The following SCARA5 variants were observed in gnomAD, a reference collection of about 807,000 sequenced individuals.
SCARA5 encodes the protein scavenger receptor class A, member 5 (putative).
SCARA5 carries 45 observed loss-of-function variants against 46.3 expected under a neutral mutation model. The observed-to-expected ratio is 0.97, with a 90% CI of 0.76 to 1.24. The LOEUF (loss-of-function observed/expected upper bound fraction) is 1.24, where lower values mean the gene tolerates loss of function less well. SCARA5 is among the 50% of genes most tolerant of loss of function. SCARA5 has a pLI of 0.00. For missense variants in SCARA5, 680 were observed against 689.0 expected, an observed-to-expected ratio of 0.99 and a Z score of 0.15; for synonymous variants, 333 against 306.5, an observed-to-expected ratio of 1.09 and a Z score of -0.90.
chr8:27,877,611 G>A (rs62496783), intron 8 of SCARA5, among the ~76,000 whole-genome samples: 34 of 152,040 alleles, frequency 2.2e-4, no homozygotes, highest in African/African-American at 4.1e-4. Flanking sequence ...AGCCTTCTTC[G>A]GAGCTAGAAA....
At chr8:27,886,252 C>T in intron 7 of SCARA5, 1 of 152,646 alleles carries the variant, frequency 6.6e-6, no homozygotes, top group Middle Eastern at 3.4e-3. Flanking sequence ...TGGTGGAGGG[C>T]CGCCTGCCCA....
chr8:27,976,782 C>T (rs905044482), intron 2 of SCARA5, among the ~76,000 whole-genome samples: 18 of 152,164 alleles, frequency 1.2e-4, no homozygotes, highest in Non-Finnish European at 2.2e-4. Context: ...CAGGCCATGC[C>T]AGAGGAGGGA....
Position 27,891,554 on chromosome 8 carries a change from A to G in SCARA5, c.1154-11788T>C, listed in dbSNP as rs759710056. 1.8e-4 allele frequency among the ~76,000 whole-genome samples: 28 copies of G among 151,828 alleles called. 1 individual carries two copies. Among genetic ancestry groups the G allele is most frequent in the Non-Finnish European group, 5.9e-5 (4 of 67,956 alleles). On this transcript the variant is annotated intron_variant, in intron 7 of 8. Coordinates refer to ENST00000354914, the MANE Select transcript of SCARA5 (RefSeq NM_173833.6). ...AGATTCCGCTCCTAGGATGATCTGG[A>G]CCCCCTTAAAGTGCCTGCCTGAGAA... is the stretch of plus-strand genomic sequence containing the variant.
chr8:27,937,461 C>G (rs929845964), intron 3 of SCARA5, among the ~76,000 whole-genome samples: 1 of 152,212 alleles, frequency 6.6e-6, no homozygotes, highest in Non-Finnish European at 1.5e-5. Flanking sequence ...CCAGTTGCCA[C>G]AGTGGGGACC....
At chr8:27,905,562 A>G in intron 6 of SCARA5, among the ~76,000 whole-genome samples, 1 of 145,040 alleles carries the variant, frequency 6.9e-6, no homozygotes, top group South Asian at 2.3e-4. Flanking sequence ...ATACATATAT[A>G]GGAATATGCT....
At chr8:27,918,490 C>T (rs921013495) in intron 4 of SCARA5, among the ~76,000 whole-genome samples, 7 of 107,460 alleles carry the variant, frequency 6.5e-5, no homozygotes, top group Non-Finnish European at 1.3e-4. Context: ...TTTGGGTGGG[C>T]GAGGAGGAGG....
Position 27,871,909 on chromosome 8 carries a change from C to T in SCARA5, c.*25G>A. 6.2e-7 allele frequency: 1 copy of T among 1,613,464 alleles called. No individual in the cohort carries two copies. The highest frequency in any genetic ancestry group is 8.5e-7 in the Non-Finnish European group (1 of 1,180,016). ...TGCAGGAAGGGTGCTCTGTGCAGGACCCCGAACTTGGGCTCTGCCCACTTT... is the reference window on the plus strand; with the variant it reads ...TGCAGGAAGGGTGCTCTGTGCAGGATCCCGAACTTGGGCTCTGCCCACTTT... On this transcript the variant is annotated 3_prime_UTR_variant, in exon 9 of 9. Transcript: ENST00000354914.
chr8:27,956,543 A>C (rs1808210156), intron 3 of SCARA5, among the ~76,000 whole-genome samples: 4 of 152,194 alleles, frequency 2.6e-5, no homozygotes, highest in African/African-American at 9.7e-5. Context: ...ATGATTACTC[A>C]TTGTTATCCC....
intron 3 of SCARA5, among the ~76,000 whole-genome samples, chr8:27,929,875 G>C (rs1807742027): frequency 6.6e-6 from 1 of 152,132 alleles, no homozygotes; most frequent in Non-Finnish European, 1.5e-5. Context: ...AACTCAAGAA[G>C]GTGGCAGAGC....
At chr8:27,913,765 C>A (rs2727003) in intron 4 of SCARA5, among the ~76,000 whole-genome samples, 83,270 of 152,056 alleles carry the variant, frequency 0.55, 23,647 homozygotes, top group Non-Finnish European at 0.63. Flanking sequence ...CCTCACTGCA[C>A]CACAGGTGCA....
intron 2 of SCARA5, among the ~76,000 whole-genome samples, chr8:27,977,866 TA>T (rs1165429165): frequency 6.6e-6 from 1 of 152,166 alleles, no homozygotes; most frequent in African/African-American, 2.4e-5. Context: ...GCTCCGACTG[TA>T]AAAAACGCAC....
chr8:27,975,872 A>G (rs1328530023), intron 2 of SCARA5, among the ~76,000 whole-genome samples: 1 of 152,152 alleles, frequency 6.6e-6, no homozygotes, highest in East Asian at 1.9e-4. Flanking sequence ...ACTTCTAAGT[A>G]CAGGAGAGCA....
At chr8:27,986,795 A>C (rs749919188) in intron 2 of SCARA5, among the ~76,000 whole-genome samples, 1 of 152,214 alleles carries the variant, frequency 6.6e-6, no homozygotes, top group Non-Finnish European at 1.5e-5. Flanking sequence ...AAGTCTTTGC[A>C]AGGCTCCTCA....
intron 2 of SCARA5, among the ~76,000 whole-genome samples, chr8:27,983,143 C>T (rs185759934): frequency 2.6e-5 from 4 of 152,302 alleles, no homozygotes; most frequent in African/African-American, 7.2e-5. Flanking sequence ...TGCCCAAGCC[C>T]ATAAAAGAGG....
intron 3 of SCARA5, among the ~76,000 whole-genome samples, chr8:27,953,683 C>T (rs766590680): frequency 2.4e-4 from 36 of 152,162 alleles, no homozygotes; most frequent in African/African-American, 7.0e-4. Context: ...AGATGCATGG[C>T]GAAGCCCAAA....
chr8:27,914,839 A>G (rs1359966308), intron 4 of SCARA5, among the ~76,000 whole-genome samples: 1 of 152,088 alleles, frequency 6.6e-6, no homozygotes, highest in Non-Finnish European at 1.5e-5. Context: ...TCCCAGTGGG[A>G]CGAAGGGTCT....
intron 7 of SCARA5, among the ~76,000 whole-genome samples, chr8:27,894,588 G>A (rs1253497028): frequency 6.6e-6 from 1 of 152,210 alleles, no homozygotes; most frequent in Non-Finnish European, 1.5e-5. Context: ...GAGAAGCTCT[G>A]TGGGAGAATG....
intron 2 of SCARA5, among the ~76,000 whole-genome samples, chr8:27,978,835 G>A (rs1400758897): frequency 6.6e-6 from 1 of 152,006 alleles, no homozygotes; most frequent in Non-Finnish European, 1.5e-5. Flanking sequence ...CAGTCCCTCA[G>A]GTCTCTGACT....
intron 3 of SCARA5, among the ~76,000 whole-genome samples, chr8:27,923,824 T>C (rs1007639436): frequency 6.6e-6 from 1 of 152,146 alleles, no homozygotes; most frequent in African/African-American, 2.4e-5. Context: ...CTGCCCGCCT[T>C]GGCCTCCCAA....
Sources: allele counts gnomAD v4.1 joint callset (sites outside exome capture counted in the v4.1 genomes callset), GRCh38; gene constraint gnomAD v4.1.1; transcripts MANE v1.5; gene names NCBI Gene and HGNC (gene_info 2026-07-23, HGNC 2026-07-21).